Variants in MICAL2 observed in about 807,000 individuals in gnomAD.
MICAL2 encodes microtubule associated monooxygenase, calponin and LIM domain containing 2, also known as [F-actin]-monooxygenase MICAL2.
Under a neutral mutation model 127.3 loss-of-function variants are expected in MICAL2, and 77 were observed. That is an observed-to-expected ratio of 0.60 (90% CI 0.50 to 0.73). The LOEUF (loss-of-function observed/expected upper bound fraction) is 0.73. Among genes scored for constraint, MICAL2 ranks in the 30% least tolerant of loss-of-function variants. The pLI, the probability that MICAL2 is intolerant of heterozygous loss-of-function variation, is 0.00. For synonymous variants in MICAL2, 570 were observed against 551.1 expected (o/e 1.03, Z -0.48); for missense variants, 1,351 against 1,434.4 (o/e 0.94, Z 0.94).
intron 1 of MICAL2, among the ~76,000 whole-genome samples, chr11:12,115,390 G>T (rs1265402352): frequency 1.3e-5 from 2 of 152,148 alleles, no homozygotes; most frequent in African/African-American, 4.8e-5. Flanking sequence ...TCCAGTAATG[G>T]CCCTTCCCTG....
intron 2 of MICAL2, among the ~76,000 whole-genome samples, chr11:12,151,501 A>G (rs569710755): frequency 6.6e-6 from 1 of 152,242 alleles, no homozygotes; most frequent in South Asian, 2.1e-4. Context: ...TGCCTAAGAG[A>G]TAAGTTCCCA....
At chr11:12,311,259 G>A (rs1213010647) in intron 29 of MICAL2, among the ~76,000 whole-genome samples, 2 of 152,048 alleles carry the variant, frequency 1.3e-5, no homozygotes, top group Non-Finnish European at 2.9e-5. Flanking sequence ...AATAAACCCA[G>A]CTTGGTCATA....
chr11:12,212,215 G>A (rs973646954), intron 6 of MICAL2, among the ~76,000 whole-genome samples: 5 of 152,150 alleles, frequency 3.3e-5, no homozygotes, highest in Non-Finnish European at 7.3e-5. Flanking sequence ...ATCCTCCATA[G>A]CACTGCCATT....
In MICAL2 at chr11:12,283,551, T is replaced by A. The variant is rs74501570; in HGVS notation, c.254+2452T>A. 6.6e-3 allele frequency among the ~76,000 whole-genome samples: 1,006 copies of A among 152,240 alleles called. 5 individuals carry two copies. Among genetic ancestry groups the A allele is most frequent in the Non-Finnish European group, 9.1e-3 (619 of 68,014 alleles). On this transcript the variant is annotated intron_variant, in intron 2 of 2. Transcript: ENST00000529028. ...ACAACTTAGATGAACCTGCAAAGCA[T>A]GCTGCTAAGGGAAATAAGCCAGTCA...
chr11:12,299,617 G>A (rs766046252), intron 29 of MICAL2, among the ~76,000 whole-genome samples: 1 of 152,128 alleles, frequency 6.6e-6, no homozygotes, highest in Non-Finnish European at 1.5e-5. Context: ...TATCATTCTT[G>A]TGTATAATTA....
At chr11:12,357,272 C>G (rs1354973627) in intron 34 of MICAL2, among the ~76,000 whole-genome samples, 1 of 152,216 alleles carries the variant, frequency 6.6e-6, no homozygotes, top group Non-Finnish European at 1.5e-5. Context: ...CAATTGTCTG[C>G]TTGACAAGAC....
chr11:12,172,981 T>G (rs920662124), intron 3 of MICAL2, among the ~76,000 whole-genome samples: 9 of 152,172 alleles, frequency 5.9e-5, no homozygotes, highest in African/African-American at 1.9e-4. Context: ...ATAACATACA[T>G]AGTTATAGAA....
rs568756049 is a variant in MICAL2 at position 12,353,502 on chromosome 11, C to T, written c.5616-1282C>T. Among the ~76,000 whole-genome samples the T allele has an allele frequency of 2.9e-3, 445 of 152,318 alleles. 3 individuals are homozygous for T. The highest frequency in any genetic ancestry group is 0.027 in the Middle Eastern group (8 of 294). On this transcript the variant is annotated intron_variant, in intron 33 of 34. Coordinates refer to the MICAL2 transcript ENST00000646065. ...CCTTCCTTTAGGGATCACACAACTT[C>T]AGCTCTCACCTCTGACCACTGCCAC...
At chr11:12,317,985 A>G (rs1157613643) in intron 29 of MICAL2, among the ~76,000 whole-genome samples, 2 of 152,236 alleles carry the variant, frequency 1.3e-5, no homozygotes, top group Non-Finnish European at 2.9e-5. Context: ...AAGAAGTTTC[A>G]ACTTAAGTTT....
At chr11:12,272,307 C>G (rs12577275), upstream of MICAL2, among the ~76,000 whole-genome samples, 3,821 of 152,310 alleles carry the variant, frequency 0.025, 108 homozygotes, top group East Asian at 0.094. Context: ...GCCTTTAACC[C>G]AAAGCTGCTA....
At chr11:12,240,703 G>A (rs1469949173) in intron 17 of MICAL2, among the ~76,000 whole-genome samples, 1 of 152,162 alleles carries the variant, frequency 6.6e-6, no homozygotes, top group Non-Finnish European at 1.5e-5. Flanking sequence ...TAGACTCCTG[G>A]GCCAGCCACC....
intron 3 of MICAL2, among the ~76,000 whole-genome samples, chr11:12,172,065 CTG>C (rs1856334574): frequency 6.6e-6 from 1 of 152,152 alleles, no homozygotes; most frequent in Non-Finnish European, 1.5e-5. Context: ...TCAAATTGGA[CTG>C]TGCAGTTTTC....
chr11:12,119,112 G>A (rs1850290778), intron 1 of MICAL2, among the ~76,000 whole-genome samples: 1 of 152,022 alleles, frequency 6.6e-6, no homozygotes, highest in African/African-American at 2.4e-5. Context: ...CTCTGCCCTT[G>A]ACCCCTGAAC....
chr11:12,339,897 A>G (rs1002078718), intron 32 of MICAL2, among the ~76,000 whole-genome samples: 3 of 152,046 alleles, frequency 2.0e-5, no homozygotes, highest in Admixed American at 6.6e-5. Flanking sequence ...GGGGTCAGGG[A>G]CCCACTTGAG....
chr11:12,244,112 G>C lies in MICAL2; in HGVS notation c.2784G>C (p.Lys928Asn). ...STVDSASPAR[K>N]EKKSPSGFHF... The stretch of plus-strand genomic sequence containing the variant: ...TTGACTCTGCTTCTCCTGCCAGAAA[G>C]GTAGTTGTCCTGAACAATTTGCTTT... Residue 928 changes from lysine to asparagine, a missense_variant and splice_region_variant, in exon 21 of 28, where the codon AAG becomes AAC. Lys to Asn is a moderately conservative substitution (Grantham distance 94, BLOSUM62 0). Coordinates refer to ENST00000683283, the MANE Select transcript of MICAL2 (RefSeq NM_001282663.2). The C allele has an allele frequency of 6.2e-7, 1 of 1,614,192 alleles. No individual in the cohort carries two copies. The highest frequency in any genetic ancestry group is 8.5e-7 in the Non-Finnish European group (1 of 1,180,042).
Position 12,200,653 on chromosome 11 carries a change from G to A in MICAL2, c.265-3597G>A, listed in dbSNP as rs116593568. ...GGTATTTGCTTTGACTTTAGATTACGGTATGACTGGCATCTCTGAAATTTC... is the reference window on the plus strand; with the variant it reads ...GGTATTTGCTTTGACTTTAGATTACAGTATGACTGGCATCTCTGAAATTTC... On this transcript the variant is annotated intron_variant, in intron 3 of 27. Coordinates refer to ENST00000683283, the MANE Select transcript of MICAL2 (RefSeq NM_001282663.2). Among the ~76,000 whole-genome samples, 1,430 of 152,306 alleles carry A rather than the reference G, an allele frequency of 9.4e-3. 26 individuals are homozygous for A. Among genetic ancestry groups the A allele is most frequent in the African/African-American group, 0.033 (1,374 of 41,552 alleles).
intron 29 of MICAL2, among the ~76,000 whole-genome samples, chr11:12,302,710 G>C (rs1407774817): frequency 1.3e-5 from 2 of 151,966 alleles, no homozygotes; most frequent in African/African-American, 4.8e-5. Flanking sequence ...ATAAAAGCCT[G>C]GGAATGCAGT....
At chr11:12,272,819 C>T (rs114241860), upstream of MICAL2, among the ~76,000 whole-genome samples, 2,550 of 151,346 alleles carry the variant, frequency 0.017, 67 homozygotes, top group African/African-American at 0.059. Context: ...TGGCCACCTG[C>T]GACAAGTTCT....
chr11:12,213,685 A>T (rs544481787), intron 7 of MICAL2, among the ~76,000 whole-genome samples: 17 of 152,332 alleles, frequency 1.1e-4, no homozygotes, highest in African/African-American at 4.1e-4. Flanking sequence ...GTGTTGGGTA[A>T]AAAGTGAAGG....
Sources: gnomAD v4.1 joint callset for allele counts (sites outside exome capture counted in the v4.1 genomes callset) on GRCh38, gnomAD v4.1.1 for gene constraint, MANE v1.5 for transcripts, NCBI Gene and HGNC (gene_info 2026-07-23, HGNC 2026-07-21) for gene names.